Variants in PLOD1 observed in about 807,000 individuals in gnomAD.
PLOD1 encodes the protein lysine hydroxylase.
A neutral mutation model predicts 94.7 loss-of-function variants in PLOD1; 70 were observed. The ratio of observed to expected loss-of-function variants is 0.74; its 90% confidence interval spans 0.61 to 0.90. The LOEUF (loss-of-function observed/expected upper bound fraction) is 0.90, where lower values mean the gene tolerates loss of function less well. Among genes scored for constraint, PLOD1 ranks in the 40% least tolerant of loss-of-function variants. PLOD1 has a pLI of 0.00. For missense variants in PLOD1, 905 were observed against 972.7 expected, an observed-to-expected ratio of 0.93 and a Z score of 0.93; for synonymous variants, 417 against 400.2, an observed-to-expected ratio of 1.04 and a Z score of -0.50.
At chr1:11,945,115 G>A (rs139986589) in intron 1 of PLOD1, among the ~76,000 whole-genome samples, 1 of 152,330 alleles carries the variant, frequency 6.6e-6, no homozygotes, top group Non-Finnish European at 1.5e-5. Context: ...GGACCTGGAG[G>A]AAGGTTAGAG....
At chr1:11,948,742 GAAAAT>G (rs1645675532) in intron 2 of PLOD1, among the ~76,000 whole-genome samples, 1 of 149,976 alleles carries the variant, frequency 6.7e-6, no homozygotes, top group South Asian at 2.1e-4. Context: ...AAAAAAAAAA[GAAAAT>G]AAAAGAAAAA....
At chr1:11,938,991 C>A (rs1645597896) in intron 1 of PLOD1, among the ~76,000 whole-genome samples, 1 of 152,162 alleles carries the variant, frequency 6.6e-6, no homozygotes, top group Non-Finnish European at 1.5e-5. Context: ...TCCAAACAGG[C>A]AGATATCCCT....
At chr1:11,944,037 G>C (rs1258333226) in intron 1 of PLOD1, among the ~76,000 whole-genome samples, 1 of 152,110 alleles carries the variant, frequency 6.6e-6, no homozygotes, top group East Asian at 1.9e-4. Context: ...TTTGCGACCA[G>C]CCTGGCCAAC....
chr1:11,960,986 T>C lies in PLOD1; in HGVS notation c.1097+219T>C, dbSNP rs112904654. On this transcript the variant is annotated intron_variant, in intron 10 of 18. Coordinates refer to ENST00000196061, the MANE Select transcript of PLOD1 (RefSeq NM_000302.4). Reference sequence around the variant, plus strand: ...TCCTGGGCAGGGCTGAGCCATGTTATTTGGGTTCAGGAAGCAAATCAGAGA... The same window carrying C: ...TCCTGGGCAGGGCTGAGCCATGTTACTTGGGTTCAGGAAGCAAATCAGAGA... Among the ~76,000 whole-genome samples, 1,305 of 152,100 alleles carry C rather than the reference T, an allele frequency of 8.6e-3. 17 individuals are homozygous for C. The highest frequency in any genetic ancestry group is 0.03 in the African/African-American group (1,241 of 41,488).
At chr1:11,967,145 G>A (rs1645824770) in intron 16 of PLOD1, 54 bp downstream of exon 16, 2 of 1,198,194 alleles carry the variant, frequency 1.7e-6, no homozygotes, top group Admixed American at 1.7e-5. Context: ...CTCCATCAGT[G>A]CCGCTCACTG....
At chr1:11,938,700 C>G (rs375548261) in intron 1 of PLOD1, among the ~76,000 whole-genome samples, 1 of 152,078 alleles carries the variant, frequency 6.6e-6, no homozygotes, top group African/African-American at 2.4e-5. Flanking sequence ...GCTGTGGAGT[C>G]TCGGGGAGTG....
chr1:11,940,816 A>C (rs1029406403), intron 1 of PLOD1, among the ~76,000 whole-genome samples: 3 of 152,200 alleles, frequency 2.0e-5, no homozygotes. Context: ...CCATGCCTTA[A>C]GGGTTTCTCT....
Position 11,957,001 on chromosome 1 carries a change from A to T in PLOD1, c.728A>T (p.Asn243Ile). ...YDTLPVLIHGNGPTKLQLNYL... is the reference protein window; with the variant it reads ...YDTLPVLIHGIGPTKLQLNYL... ...ACCCTCCCGGTCCTGATCCATGGCA[A>T]CGGGCCAACCAAGGTAGGGGGTCCC... is the stretch of plus-strand genomic sequence containing the variant. The change falls in exon 7 of 19, where the codon AAC (asparagine) becomes ATC (isoleucine). Residue 243 changes from asparagine to isoleucine, a missense_variant. Coordinates refer to ENST00000196061, the MANE Select transcript of PLOD1 (RefSeq NM_000302.4). The surrounding 1 kb of genome is among the most constrained non-coding windows in gnomAD (Gnocchi z 4.1). 1 of 1,611,690 alleles carries T rather than the reference A, an allele frequency of 6.2e-7. No homozygotes were observed. The highest frequency in any genetic ancestry group is 8.5e-7 in the Non-Finnish European group (1 of 1,177,946).
intron 4 of PLOD1, among the ~76,000 whole-genome samples, chr1:11,951,294 G>A (rs145272473): frequency 0.053 from 8,012 of 152,010 alleles, 570 homozygotes; most frequent in African/African-American, 0.16. Context: ...GGCCAGGCGC[G>A]GTGGCTCACG....
intron 4 of PLOD1, among the ~76,000 whole-genome samples, chr1:11,951,953 A>G (rs960069501): frequency 3.9e-5 from 6 of 152,202 alleles, no homozygotes; most frequent in Admixed American, 1.3e-4. Flanking sequence ...GCAAATTCAC[A>G]CACATCACTT....
chr1:11,949,975 C>A, intron 3 of PLOD1, 69 bp downstream of exon 3: 1 of 1,514,162 alleles, frequency 6.6e-7, no homozygotes, highest in South Asian at 1.1e-5. Flanking sequence ...AAAATGAGGC[C>A]CTCCCAGAAC....
At chr1:11,962,377 C>T (rs952430359) in intron 10 of PLOD1, among the ~76,000 whole-genome samples, 10 of 147,528 alleles carry the variant, frequency 6.8e-5, no homozygotes, top group Admixed American at 4.1e-4. Flanking sequence ...CCCACGTTCA[C>T]GCCATTCTCC....
chr1:11,946,123 C>A (rs769373352), intron 1 of PLOD1, among the ~76,000 whole-genome samples: 5 of 152,110 alleles, frequency 3.3e-5, no homozygotes, highest in African/African-American at 4.8e-5. Context: ...TCCCTGCTTT[C>A]CAAGGGGGAA....
intron 4 of PLOD1, among the ~76,000 whole-genome samples, chr1:11,951,518 A>C (rs931226040): frequency 4.6e-5 from 7 of 151,572 alleles, no homozygotes; most frequent in Non-Finnish European, 7.4e-5. Context: ...GTGAGCTGAG[A>C]TGGTGCCACT....
At chr1:11,962,727 A>G (rs938701158) in intron 10 of PLOD1, among the ~76,000 whole-genome samples, 6 of 151,774 alleles carry the variant, frequency 4.0e-5, no homozygotes, top group African/African-American at 1.5e-4. Flanking sequence ...TGGCTGACAC[A>G]GTGAGACCCC....
rs895735272 is a variant in PLOD1 at position 11,964,063 on chromosome 1, G to A, written c.1203-112G>A. 1.7e-5 allele frequency: 19 copies of A among 1,108,386 alleles called. No individual in the cohort carries two copies. In the African/African-American group the frequency reaches 2.0e-4, roughly 12 times the overall value. The allele number at this position is 1,108,386 out of a possible 1,614,324, so 68.7% of individuals were successfully genotyped here. The stretch of plus-strand genomic sequence containing the variant: ...CACTGCCTGTCTCAGTGAGGTGCTT[G>A]GGGATCCCTGCGTGCAGGTTGAGGG... On this transcript the variant is annotated intron_variant, in intron 11 of 18. Transcript: ENST00000196061.
chr1:11,967,043 G>A lies in PLOD1; in HGVS notation c.1707G>A (p.Leu569=), dbSNP rs139468110. The change falls in exon 16 of 19, where the codon CTG becomes CTA. Residue 569 remains leucine (L), a synonymous_variant. Transcript: ENST00000196061. ...TCACGGAGGTGGCCTGTGATGAGCT[G>A]GTGGAGGAGATGGAGCACTTTGGCC... The part of the protein sequence containing the change: ...PIFTEVACDE[L]VEEMEHFGQW... 1.7e-4 allele frequency: 273 copies of A among 1,614,036 alleles called. No individual in the cohort carries two copies. The highest frequency in any genetic ancestry group is 6.6e-4 in the Middle Eastern group (4 of 6,062).
rs776315809 is a variant in PLOD1, at chr1:11,944,581, G to T, written c.77-3395G>T. On this transcript the variant is annotated intron_variant, in intron 1 of 18. Transcript: ENST00000196061. ...CTCTGGTTCTCTTCACCTGGGGAGA[G>T]ACTTCACCGTCCTGGCAGGAGCTCG... is the stretch of plus-strand genomic sequence containing the variant. 23 of 1,360,600 alleles carry T rather than the reference G, an allele frequency of 1.7e-5. No homozygotes were observed. Among genetic ancestry groups the T allele is most frequent in the Middle Eastern group, 2.1e-4 (1 of 4,772 alleles). The allele number at this position is 1,360,600 out of a possible 1,614,324, so 84.3% of individuals were successfully genotyped here.
chr1:11,968,838 C>T (rs1449552526), intron 16 of PLOD1, among the ~76,000 whole-genome samples: 1 of 136,938 alleles, frequency 7.3e-6, no homozygotes. Flanking sequence ...TTTTCTACGT[C>T]CTTTTTTTTT....
Sources: allele counts gnomAD v4.1 joint callset (sites outside exome capture counted in the v4.1 genomes callset), GRCh38; gene constraint gnomAD v4.1.1; non-coding constraint Gnocchi (gnomAD v3.1); transcripts MANE v1.5; gene names NCBI Gene and HGNC (gene_info 2026-07-23, HGNC 2026-07-21).